The following RTL1 variants were observed in gnomAD, a reference collection of about 807,000 sequenced individuals.
RTL1 encodes the protein retrotransposon Gag like 1.
For synonymous variants in RTL1, 727 were observed against 748.4 expected, an observed-to-expected ratio of 0.97 and a Z score of 0.47; for missense variants, 1,681 against 1,767.5, an observed-to-expected ratio of 0.95 and a Z score of 0.88.
At chr14:100,897,990 G>A (rs769539499) in intron 2 of RTL1, 1 of 513,510 alleles carries the variant, frequency 1.9e-6, no homozygotes, top group East Asian at 5.5e-5. Flanking sequence ...AAACACTGAG[G>A]TCCATTAGAA....
rs1393925251 is a variant in RTL1 at position 100,881,927 on chromosome 14, T to C, written c.2862A>G (p.Leu954=). ...TGAGCCTGTCATTATTCAGAGAGGC[T>C]AGATCCTCTGTGTTGAGAAGGATCA... The part of the protein sequence containing the change: ...PIMILLNTED[L]ASLNNDRLTV... The change falls in exon 4 of 4, where the codon CTA becomes CTG. Residue 954 remains leucine (L), a synonymous_variant. Transcript: ENST00000649591. The surrounding 1 kb of genome is among the most constrained non-coding windows in gnomAD (Gnocchi z 6.6). The C allele has an allele frequency of 6.2e-7, 1 of 1,613,672 alleles. No homozygotes were observed. The highest frequency in any genetic ancestry group is 8.5e-7 in the Non-Finnish European group (1 of 1,180,036).
chr14:100,902,480 G>A (rs535376742), intron 2 of RTL1, among the ~76,000 whole-genome samples: 6 of 152,310 alleles, frequency 3.9e-5, no homozygotes, highest in African/African-American at 1.4e-4. Flanking sequence ...TCTGTTGAGC[G>A]GCTTCTCAGC....
chr14:100,899,704 CT>C (rs2038915763), intron 2 of RTL1, among the ~76,000 whole-genome samples: 1 of 87,740 alleles, frequency 1.1e-5, no homozygotes, highest in Non-Finnish European at 2.1e-5. Flanking sequence ...CCTTGGTTTC[CT>C]GATATTAAAA....
chr14:100,892,601 T>C (rs2038796645), intron 3 of RTL1, among the ~76,000 whole-genome samples: 1 of 152,148 alleles, frequency 6.6e-6, no homozygotes, highest in South Asian at 2.1e-4. Context: ...GACGATGCCC[T>C]GCTTGGAGAG....
At position 100,883,550 on chromosome 14, in the gene RTL1, G is replaced by T; in HGVS notation, c.1239C>A (p.Leu413=). The change falls in exon 4 of 4, where the codon CTC becomes CTA. Residue 413 remains leucine, a synonymous_variant. Transcript: ENST00000649591. This position sits in a 1 kb window ranked among gnomAD's most constrained non-coding sequence, Gnocchi z 5.9. Reference sequence around the variant, plus strand: ...TGTGGTAGGGGTTCACTCTCACCATGAGCAGCAGGAAGAGGTGGGCGCGAT... The same window carrying T: ...TGTGGTAGGGGTTCACTCTCACCATTAGCAGCAGGAAGAGGTGGGCGCGAT... ...DINRAHLFLL[L]MVRVNPYHSV... is the part of the protein sequence containing the mutation. The T allele has an allele frequency of 6.4e-7, 1 of 1,551,532 alleles. No homozygotes were observed.
chr14:100,883,677 G>T lies in RTL1; in HGVS notation c.1112C>A (p.Pro371His), dbSNP rs1467518090. Residue 371 changes from proline (P) to histidine (H), a missense_variant, in exon 4 of 4, where the codon CCC (proline) becomes CAC (histidine). Coordinates refer to ENST00000649591, the MANE Select transcript of RTL1 (RefSeq NM_001134888.3). The surrounding 1 kb of genome is among the most constrained non-coding windows in gnomAD (Gnocchi z 5.9). ...CAGGTTCCGGGGGCGGGCCTCGGGG[G>T]GCAGCCTGAGCATAGCTCTTCTCTC... ...LAERRAMLRLPPEARPRNLTW... is the reference protein window; with the variant it reads ...LAERRAMLRLHPEARPRNLTW... 6.4e-7 allele frequency: 1 copy of T among 1,551,582 alleles called. No individual in the cohort carries two copies. The highest frequency in any genetic ancestry group is 1.2e-5 in the South Asian group (1 of 84,060).
Position 100,882,663 on chromosome 14 carries a change from G to T in RTL1, c.2126C>A (p.Pro709His). The T allele has an allele frequency of 6.4e-7, 1 of 1,552,004 alleles. No individual in the cohort carries two copies. Among genetic ancestry groups the T allele is most frequent in the Non-Finnish European group, 8.7e-7 (1 of 1,147,080 alleles). Residue 709 changes from proline to histidine, a missense_variant, in exon 4 of 4, where the codon CCT becomes CAT. Coordinates refer to ENST00000649591, the MANE Select transcript of RTL1 (RefSeq NM_001134888.3). Reference protein sequence around the residue: ...SYQPFALSPDPIIPQNVIHFI... With the variant: ...SYQPFALSPDHIIPQNVIHFI... ...GTGAATCACGTTCTGAGGTATGATA[G>T]GGTCTGGGGAGAGCGCAAACGGCTG...
chr14:100,886,703 AAATTCTAATTGAAATACAAATAAAT>A (rs1172150798), intron 3 of RTL1, among the ~76,000 whole-genome samples: 2 of 150,328 alleles, frequency 1.3e-5, no homozygotes, highest in Admixed American at 6.7e-5. Flanking sequence ...CTCTAATATA[AAATTCTAATTGAAATACAAATAAAT>A]AATTCTAATT....
intron 3 of RTL1, among the ~76,000 whole-genome samples, chr14:100,886,084 T>G (rs976691473): frequency 6.6e-6 from 1 of 152,134 alleles, no homozygotes; most frequent in Non-Finnish European, 1.5e-5. Context: ...ATTTGCACAT[T>G]TCTTCTCTGC....
At chr14:100,897,753 G>GGC (rs2140056565) in intron 2 of RTL1, 2 of 141,758 alleles carry the variant, frequency 1.4e-5, no homozygotes, top group African/African-American at 8.2e-5. Context: ...CTGGTTGGCG[G>GGC]GGGGGGGGGT....
chr14:100,892,468 C>G (rs892524304), intron 3 of RTL1, among the ~76,000 whole-genome samples: 3 of 152,222 alleles, frequency 2.0e-5, no homozygotes, highest in Non-Finnish European at 4.4e-5. Flanking sequence ...TCAGGGATAG[C>G]TACCGTCATT....
At chr14:100,891,344 G>A (rs887594669) in intron 3 of RTL1, among the ~76,000 whole-genome samples, 1 of 152,210 alleles carries the variant, frequency 6.6e-6, no homozygotes, top group Non-Finnish European at 1.5e-5. Context: ...CAGGCCCCAT[G>A]GGCCTCGGAC....
In RTL1 at chr14:100,880,131, G is replaced by T. The variant is rs1383899176; in HGVS notation, c.*581C>A. Among the ~76,000 whole-genome samples, 1 of 149,570 alleles carries T rather than the reference G, an allele frequency of 6.7e-6. No individual in the cohort carries two copies. Among genetic ancestry groups the T allele is most frequent in the South Asian group, 2.2e-4 (1 of 4,638 alleles). The stretch of plus-strand genomic sequence containing the variant: ...AAAAAGCTGAAGCAGATGTGGTGGG[G>T]GTGGGGGTGGGTTTGCTTGCAGGGT... On this transcript the variant is annotated 3_prime_UTR_variant, in exon 4 of 4. Transcript: ENST00000649591.
At chr14:100,899,708 TA>T (rs1323536521) in intron 2 of RTL1, among the ~76,000 whole-genome samples, 2 of 49,356 alleles carry the variant, frequency 4.1e-5, no homozygotes, top group Non-Finnish European at 6.7e-5. Flanking sequence ...GGTTTCCTGA[TA>T]TTAAAAAAAA....
At chr14:100,901,906 G>A (rs1486342750) in intron 2 of RTL1, among the ~76,000 whole-genome samples, 6 of 152,162 alleles carry the variant, frequency 3.9e-5, no homozygotes, top group East Asian at 1.9e-4. Flanking sequence ...CAAGCTACTC[G>A]GGAGAGGCCA....
Position 100,884,697 on chromosome 14 carries a change from T to G in RTL1, c.92A>C (p.Asn31Thr). ...KQMESSEGSS[N>T]TTEATSGSGV... ...ACTGCCCGACGTCGCCTCGGTGGTG[T>G]TGGATGAGCCCTCGGAGGACTCCAT... The change falls in exon 4 of 4, where the codon AAC (asparagine) becomes ACC (threonine). Residue 31 changes from asparagine (N) to threonine (T), a missense_variant. By Grantham distance (65) the Asn-to-Thr change is moderately conservative. Transcript: ENST00000649591. The G allele has an allele frequency of 6.2e-7, 1 of 1,613,726 alleles. No homozygotes were observed. The highest frequency in any genetic ancestry group is 8.5e-7 in the Non-Finnish European group (1 of 1,179,978).
At position 100,881,060 on chromosome 14, in the gene RTL1, G is replaced by A; in HGVS notation, c.3729C>T (p.Tyr1243=). ...REALQDDLQR[Y]RQCGLHDGLQ... ...GGCCGTCATGCAGGCCACACTGACG[G>A]TAACGTTGCAGGTCGTCTTGCAGGG... The change falls in exon 4 of 4, where the codon TAC becomes TAT. Residue 1243 remains tyrosine, a synonymous_variant. Coordinates refer to ENST00000649591, the MANE Select transcript of RTL1 (RefSeq NM_001134888.3). This position sits in a 1 kb window ranked among gnomAD's most constrained non-coding sequence, Gnocchi z 6.6. 6.2e-7 allele frequency: 1 copy of A among 1,603,448 alleles called. No homozygotes were observed. Among genetic ancestry groups the A allele is most frequent in the Non-Finnish European group, 8.5e-7 (1 of 1,175,116 alleles).
chr14:100,901,347 A>G (rs2038939570), intron 2 of RTL1, among the ~76,000 whole-genome samples: 1 of 152,226 alleles, frequency 6.6e-6, no homozygotes, highest in Admixed American at 6.5e-5. Flanking sequence ...CACTGGGAGC[A>G]TAAGGCAGAA....
rs926337313 is a variant in RTL1, at chr14:100,884,085, C to T, written c.704G>A (p.Arg235His). Residue 235 changes from arginine (R) to histidine (H), a missense_variant, in exon 4 of 4, where the codon CGT (arginine) becomes CAT (histidine). Arg to His is a conservative substitution (Grantham distance 29). Coordinates refer to ENST00000649591, the MANE Select transcript of RTL1 (RefSeq NM_001134888.3). ...QSYPRMFYND[R>H]LRVGYVINHL... The stretch of plus-strand genomic sequence containing the variant: ...ATTGATGACATAGCCAACTCTCAGA[C>T]GGTCGTTATAGAACATTCTTGGGTA... 2.6e-5 allele frequency: 40 copies of T among 1,551,592 alleles called. No homozygotes were observed. Among genetic ancestry groups the T allele is most frequent in the Middle Eastern group, 1.7e-4 (1 of 6,014 alleles).
Sources: gnomAD v4.1 joint callset for allele counts (sites outside exome capture counted in the v4.1 genomes callset) on GRCh38, gnomAD v4.1.1 for gene constraint, Gnocchi (gnomAD v3.1) non-coding constraint, MANE v1.5 for transcripts, NCBI Gene and HGNC (gene_info 2026-07-23, HGNC 2026-07-21) for gene names.